The following CNTNAP3 variants were observed in gnomAD, a reference collection of about 807,000 sequenced individuals.
The protein encoded by CNTNAP3 is contactin-associated protein-like 3.
Under a neutral mutation model 92.1 loss-of-function variants are expected in CNTNAP3, and 36 were observed. That is an observed-to-expected ratio of 0.39 (90% CI 0.30 to 0.52). CNTNAP3 has a LOEUF of 0.52. CNTNAP3 is among the 20% of genes least tolerant of loss of function. The pLI, the probability that CNTNAP3 is intolerant of heterozygous loss-of-function variation, is 0.76. For synonymous variants in CNTNAP3, 232 were observed against 422.3 expected, an observed-to-expected ratio of 0.55 and a Z score of 5.53; for missense variants, 534 against 1,069.6, an observed-to-expected ratio of 0.50 and a Z score of 6.98.
chr9:39,174,609 T>G, intron 7 of CNTNAP3: 2 of 676,504 alleles, frequency 3.0e-6, no homozygotes, highest in Non-Finnish European at 5.5e-6. Flanking sequence ...GATGTGCTGC[T>G]GAGATACACT....
At chr9:39,118,937 C>T (rs111539591) in intron 13 of CNTNAP3, among the ~76,000 whole-genome samples, 1,912 of 152,218 alleles carry the variant, frequency 0.013, 46 homozygotes, top group African/African-American at 0.044. Flanking sequence ...ATGATAGAGT[C>T]AGACACTAAC....
At chr9:39,079,814 C>A (rs1387151756) in intron 21 of CNTNAP3, among the ~76,000 whole-genome samples, 528 of 132,532 alleles carry the variant, frequency 4.0e-3, no homozygotes, top group South Asian at 8.8e-3. Context: ...AAACAAGATC[C>A]TCTTTTTCCA....
intron 11 of CNTNAP3, among the ~76,000 whole-genome samples, chr9:39,143,869 C>T (rs1317938650): frequency 6.6e-6 from 1 of 152,146 alleles, no homozygotes; most frequent in African/African-American, 2.4e-5. Flanking sequence ...TGTTTTTCCA[C>T]CTTTCTTTGA....
intron 11 of CNTNAP3, 142 bp downstream of exon 11, chr9:39,144,098 A>C: frequency 7.1e-7 from 1 of 1,410,762 alleles, no homozygotes; most frequent in South Asian, 1.6e-5. Context: ...AGGTGGATTA[A>C]AAGTAAACTA....
intron 10 of CNTNAP3, among the ~76,000 whole-genome samples, chr9:39,149,357 T>C (rs529977202): frequency 1.4e-5 from 2 of 139,380 alleles, no homozygotes; most frequent in Non-Finnish European, 3.1e-5. Context: ...TTTGTTTTTG[T>C]TTTTTTTTTT....
chr9:39,072,933 TTTCA>T lies in CNTNAP3; in HGVS notation c.*953_*956del, dbSNP rs1269645355. 1 of 152,760 alleles carries T rather than the reference TTTCA, an allele frequency of 6.5e-6. No homozygotes were observed. The highest frequency in any genetic ancestry group is 1.9e-4 in the East Asian group (1 of 5,208). The allele number at this position is 152,760 out of a possible 1,614,324, so 9.5% of individuals were successfully genotyped here. On this transcript the variant is annotated 3_prime_UTR_variant, in exon 24 of 24. Coordinates refer to ENST00000297668, the MANE Select transcript of CNTNAP3 (RefSeq NM_033655.5). Reference sequence around the variant, plus strand: ...CTTGGGGAAGTAAGTTAGGATGATGTTTCATTCACGTCTTAATGATATAAATAAA... The same window carrying T: ...CTTGGGGAAGTAAGTTAGGATGATGTTTCACGTCTTAATGATATAAATAAA...
intron 18 of CNTNAP3, among the ~76,000 whole-genome samples, chr9:39,090,411 G>C (rs563745521): frequency 6.6e-6 from 1 of 152,302 alleles, no homozygotes; most frequent in Non-Finnish European, 1.5e-5. Flanking sequence ...ACATTTTTAT[G>C]TATGTGTGAG....
At chr9:39,094,829 T>C (rs1826290796) in intron 18 of CNTNAP3, among the ~76,000 whole-genome samples, 1 of 151,550 alleles carries the variant, frequency 6.6e-6, no homozygotes, top group African/African-American at 2.4e-5. Context: ...TTCTGGGCTT[T>C]TTCAAATTTT....
chr9:39,253,048 C>CAA lies in CNTNAP3; in HGVS notation c.196+13847_196+13848insTT, dbSNP rs1240189669. 6.4e-4 allele frequency among the ~76,000 whole-genome samples: 4 copies of CAA among 6,214 alleles called. 2 individuals carry two copies. The highest frequency in any genetic ancestry group is 7.1e-4 in the African/African-American group (4 of 5,628). The allele number at this position is 6,214 out of a possible 152,430, so 4.1% of individuals were successfully genotyped here. A position where few individuals can be genotyped will look rare whatever the true frequency, so the allele number is the denominator to read the frequency against. On this transcript the variant is annotated intron_variant, in intron 2 of 23. Coordinates refer to ENST00000297668, the MANE Select transcript of CNTNAP3 (RefSeq NM_033655.5). ...ACACACACACACACACACACACACA[C>CAA]ACATACATTCAGCTTCAGGAAAACT...
At chr9:39,129,322 C>A (rs1345702906) in intron 13 of CNTNAP3, among the ~76,000 whole-genome samples, 1 of 152,168 alleles carries the variant, frequency 6.6e-6, no homozygotes, top group Non-Finnish European at 1.5e-5. Flanking sequence ...AACAGACCCA[C>A]CACACAAGTA....
intron 13 of CNTNAP3, among the ~76,000 whole-genome samples, chr9:39,121,178 A>C (rs1821010635): frequency 6.6e-6 from 1 of 152,074 alleles, no homozygotes; most frequent in African/African-American, 2.4e-5. Flanking sequence ...AACTCACTTC[A>C]AAATAAACAT....
intron 13 of CNTNAP3, among the ~76,000 whole-genome samples, chr9:39,123,484 A>G (rs1001342910): frequency 3.3e-5 from 5 of 152,040 alleles, no homozygotes; most frequent in Non-Finnish European, 7.4e-5. Flanking sequence ...CAGAAGAAAT[A>G]TTTAAAATAA....
At position 39,132,924 on chromosome 9, in the gene CNTNAP3, G is replaced by C. The variant is rs533123142; in HGVS notation, c.2080+8C>G. The C allele has an allele frequency of 3.2e-6, 5 of 1,542,190 alleles. No homozygotes were observed. The African/African-American group carries it at 5.6e-5, about 17-fold the overall frequency. ...TGAACCCCTGTAGCCTCCAGGAGTGGCGCTTACCTCGTGAGTCCGGGCGCC... is the reference window on the plus strand; with the variant it reads ...TGAACCCCTGTAGCCTCCAGGAGTGCCGCTTACCTCGTGAGTCCGGGCGCC... On this transcript the variant is annotated splice_region_variant and intron_variant, in intron 13 of 23. Transcript: ENST00000297668.
intron 10 of CNTNAP3, among the ~76,000 whole-genome samples, chr9:39,146,224 G>A (rs1222167028): frequency 6.6e-6 from 1 of 152,062 alleles, no homozygotes; most frequent in Non-Finnish European, 1.5e-5. Flanking sequence ...GGGCAGGAGT[G>A]GGGTCAGCAG....
In CNTNAP3 at chr9:39,066,660, T is replaced by A. The variant is rs1206514238; in HGVS notation, c.*7230A>T. On this transcript the variant is annotated 3_prime_UTR_variant, in exon 24 of 24. Transcript: ENST00000297668. Reference sequence around the variant, plus strand: ...AGGAGAGAGAGTTTTCTGCTTTTGGTTGGAAGATGTTTCACTGGAAGCATG... The same window carrying A: ...AGGAGAGAGAGTTTTCTGCTTTTGGATGGAAGATGTTTCACTGGAAGCATG... Among the ~76,000 whole-genome samples, 1 of 152,312 alleles carries A rather than the reference T, an allele frequency of 6.6e-6. No homozygotes were observed. Among genetic ancestry groups the A allele is most frequent in the East Asian group, 1.9e-4 (1 of 5,208 alleles).
intron 22 of CNTNAP3, 25 bp from the exon 23 acceptor site, chr9:39,078,481 T>C (rs781671148): frequency 9.1e-4 from 11 of 12,154 alleles, no homozygotes; most frequent in African/African-American, 1.1e-3. Context: ...GGGAGAATGA[T>C]GTTTATTAGC....
intron 18 of CNTNAP3, among the ~76,000 whole-genome samples, chr9:39,089,039 T>C (rs1054270597): frequency 3.9e-5 from 6 of 152,212 alleles, no homozygotes; most frequent in Admixed American, 2.6e-4. Context: ...ATAATCCATA[T>C]GCCATGTAAT....
chr9:39,114,310 C>A (rs1316074767), intron 14 of CNTNAP3, among the ~76,000 whole-genome samples: 3 of 151,970 alleles, frequency 2.0e-5, no homozygotes, highest in African/African-American at 7.3e-5. Context: ...TGGTCTCGAT[C>A]TTCTGACCTC....
intron 12 of CNTNAP3, among the ~76,000 whole-genome samples, chr9:39,140,223 T>C (rs1821540576): frequency 6.6e-6 from 1 of 150,662 alleles, no homozygotes; most frequent in Non-Finnish European, 1.5e-5. Flanking sequence ...ACAGAAAGCA[T>C]GTAAATTACC....
Sources: gnomAD v4.1 joint callset for allele counts (sites outside exome capture counted in the v4.1 genomes callset) on GRCh38, gnomAD v4.1.1 for gene constraint, MANE v1.5 for transcripts, NCBI Gene and HGNC (gene_info 2026-07-23, HGNC 2026-07-21) for gene names.